SGPP2: variants seen among roughly 807,000 people sequenced by gnomAD.
SGPP2 encodes sphingosine 1-phosphate phosphohydrolase 2.
A neutral mutation model predicts 33.9 loss-of-function variants in SGPP2; 30 were observed. The ratio of observed to expected loss-of-function variants is 0.89; its 90% confidence interval spans 0.66 to 1.20. The LOEUF (loss-of-function observed/expected upper bound fraction) is 1.20. Ranked by LOEUF, SGPP2 falls within the 50% of genes most tolerant of loss-of-function variation. SGPP2 has a pLI of 0.00. For synonymous variants in SGPP2, 233 were observed against 225.0 expected (o/e 1.04, Z -0.32); for missense variants, 458 against 532.1 (o/e 0.86, Z 1.37).
At chr2:222,458,946 C>A (rs752421535) in intron 1 of SGPP2, among the ~76,000 whole-genome samples, 1 of 152,052 alleles carries the variant, frequency 6.6e-6, no homozygotes, top group South Asian at 2.1e-4. Flanking sequence ...TCAATACATC[C>A]AGATATTTTG....
chr2:222,553,898 A>C (rs1449823432), intron 4 of SGPP2, among the ~76,000 whole-genome samples: 1 of 152,088 alleles, frequency 6.6e-6, no homozygotes, highest in East Asian at 1.9e-4. Context: ...AGCTCATTGC[A>C]CCTGGCTCTC....
Position 222,562,192 on chromosome 2 carries a change from A to G in SGPP2, c.*3294A>G, listed in dbSNP as rs929840912. On this transcript the variant is annotated 3_prime_UTR_variant, in exon 5 of 5. Transcript: ENST00000321276. ...GCCTCTCCAGGAGCCAGATAGAATG[A>G]CATGCCTTTTTCCTAATTGTCCACA... 1.3e-5 allele frequency among the ~76,000 whole-genome samples: 2 copies of G among 152,188 alleles called. No homozygotes were observed. The highest frequency in any genetic ancestry group is 4.8e-5 in the African/African-American group (2 of 41,450).
intron 1 of SGPP2, among the ~76,000 whole-genome samples, chr2:222,448,140 A>T (rs938206091): frequency 3.9e-5 from 6 of 152,180 alleles, no homozygotes; most frequent in Non-Finnish European, 7.3e-5. Context: ...AATTGGGGAA[A>T]CATTTAGTGT....
intron 1 of SGPP2, among the ~76,000 whole-genome samples, chr2:222,432,297 GT>G (rs1452588836): frequency 6.6e-6 from 1 of 152,208 alleles, no homozygotes; most frequent in Non-Finnish European, 1.5e-5. Flanking sequence ...CTTAATGTCT[GT>G]TTTGGGTCCT....
chr2:222,536,934 C>T (rs748613624), intron 4 of SGPP2, among the ~76,000 whole-genome samples: 2 of 127,650 alleles, frequency 1.6e-5, no homozygotes. Flanking sequence ...CTAATAAAGC[C>T]TTATTTCTAA....
chr2:222,523,788 A>T (rs72968842), intron 3 of SGPP2, among the ~76,000 whole-genome samples: 42,727 of 151,832 alleles, frequency 0.28, 7,273 homozygotes, highest in Non-Finnish European at 0.38. Flanking sequence ...TTGAAATAAA[A>T]TTTTAAAAAT....
At chr2:222,516,067 C>T (rs961566417) in intron 2 of SGPP2, among the ~76,000 whole-genome samples, 5 of 152,098 alleles carry the variant, frequency 3.3e-5, no homozygotes, top group African/African-American at 4.8e-5. Flanking sequence ...AAAATATATA[C>T]AAGTTCACAC....
intron 2 of SGPP2, among the ~76,000 whole-genome samples, chr2:222,517,722 CCAAAAG>C (rs1427390255): frequency 6.6e-6 from 1 of 152,172 alleles, no homozygotes; most frequent in Non-Finnish European, 1.5e-5. Context: ...GGCCAGAGCC[CCAAAAG>C]CATTTGCCCA....
rs576672127 is a variant in SGPP2 at position 222,430,541 on chromosome 2, A to G, written c.219+5720A>G. Among the ~76,000 whole-genome samples the G allele has an allele frequency of 2.0e-5, 3 of 152,180 alleles. No homozygotes were observed. The East Asian group carries it at 5.8e-4, about 29-fold the overall frequency. On this transcript the variant is annotated intron_variant, in intron 1 of 4. Transcript: ENST00000321276. ...ACTATGTTGTCCAGGCTAGTCTCGA[A>G]CTCCTGGGCTCAAGCGATCCTCCTG...
chr2:222,480,173 T>C (rs571546356), intron 2 of SGPP2, among the ~76,000 whole-genome samples: 1 of 152,214 alleles, frequency 6.6e-6, no homozygotes, highest in African/African-American at 2.4e-5. Context: ...TATATTTCTG[T>C]ATCTTTAAAA....
intron 1 of SGPP2, among the ~76,000 whole-genome samples, chr2:222,437,599 T>C (rs1240408747): frequency 6.6e-6 from 1 of 152,198 alleles, no homozygotes; most frequent in African/African-American, 2.4e-5. Flanking sequence ...TGTAACTTAC[T>C]TGTGCCTTCA....
intron 4 of SGPP2, among the ~76,000 whole-genome samples, chr2:222,548,751 A>G (rs956434592): frequency 1.3e-5 from 2 of 152,220 alleles, no homozygotes; most frequent in African/African-American, 4.8e-5. Flanking sequence ...CCCTATACAT[A>G]TGCTAATTAC....
At chr2:222,488,092 G>A (rs1320723084) in intron 2 of SGPP2, among the ~76,000 whole-genome samples, 1 of 152,186 alleles carries the variant, frequency 6.6e-6, no homozygotes, top group African/African-American at 2.4e-5. Context: ...GCTATCAGGT[G>A]CGTTTACCTT....
intron 2 of SGPP2, 48 bp from the exon 3 acceptor site, chr2:222,521,719 T>G: frequency 6.4e-7 from 1 of 1,553,370 alleles, no homozygotes; most frequent in Non-Finnish European, 8.7e-7. Context: ...GGAAATGCAT[T>G]CATTTTCCTT....
At chr2:222,424,373 C>G (rs1697024587), upstream of SGPP2, 2 of 180,748 alleles carry the variant, frequency 1.1e-5, no homozygotes, top group East Asian at 3.3e-4. Flanking sequence ...CCGGGGCCGC[C>G]CAAGCCCTCC....
intron 1 of SGPP2, among the ~76,000 whole-genome samples, chr2:222,433,389 G>A (rs1382980812): frequency 6.6e-6 from 1 of 152,130 alleles, no homozygotes; most frequent in Non-Finnish European, 1.5e-5. Flanking sequence ...CTACTTTGAA[G>A]GATTTACACT....
intron 4 of SGPP2, among the ~76,000 whole-genome samples, chr2:222,556,382 G>A (rs1239767794): frequency 6.6e-6 from 1 of 151,880 alleles, no homozygotes. Flanking sequence ...AAGCCCTGGA[G>A]CCAGGTGCAG....
chr2:222,452,862 A>G, intron 1 of SGPP2: 1 of 1,608,078 alleles, frequency 6.2e-7, no homozygotes, highest in Non-Finnish European at 8.5e-7. Context: ...CTTAGATTTC[A>G]TTCTCTGGTT....
chr2:222,484,490 G>T (rs2106104993), intron 2 of SGPP2, among the ~76,000 whole-genome samples: 1 of 152,328 alleles, frequency 6.6e-6, no homozygotes, highest in East Asian at 1.9e-4. Flanking sequence ...TTTTAAAGAT[G>T]AAATTCGGTT....
Sources: allele counts gnomAD v4.1 joint callset (sites outside exome capture counted in the v4.1 genomes callset), GRCh38; gene constraint gnomAD v4.1.1; transcripts MANE v1.5; gene names NCBI Gene and HGNC (gene_info 2026-07-23, HGNC 2026-07-21).